XKR4: variants seen among roughly 807,000 people sequenced by gnomAD.
The protein encoded by XKR4 is XK related 4.
A neutral mutation model predicts 53.9 loss-of-function variants in XKR4; 12 were observed. The ratio of observed to expected loss-of-function variants is 0.22; its 90% CI spans 0.14 to 0.36. XKR4 has a LOEUF of 0.36. Among genes scored for constraint, XKR4 ranks in the 10% least tolerant of loss-of-function variants. XKR4 has a pLI of 1.00. For synonymous variants in XKR4, 354 were observed against 362.4 expected, an observed-to-expected ratio of 0.98 and a Z score of 0.26; for missense variants, 799 against 859.5, an observed-to-expected ratio of 0.93 and a Z score of 0.88.
intron 1 of XKR4, among the ~76,000 whole-genome samples, chr8:55,264,629 A>G (rs1347764853): frequency 6.6e-6 from 1 of 152,216 alleles, no homozygotes; most frequent in Non-Finnish European, 1.5e-5. Context: ...TTGTAATTTT[A>G]ACTAAGAAAT....
intron 1 of XKR4, among the ~76,000 whole-genome samples, chr8:55,172,601 G>C (rs1007491062): frequency 1.3e-5 from 2 of 152,112 alleles, no homozygotes; most frequent in Non-Finnish European, 2.9e-5. Context: ...GCAAACTTGT[G>C]CCTAAGTATA....
chr8:55,329,062 A>C (rs1803343920), intron 1 of XKR4, among the ~76,000 whole-genome samples: 1 of 152,114 alleles, frequency 6.6e-6, no homozygotes, highest in Non-Finnish European at 1.5e-5. Context: ...CCCTCAGTGA[A>C]TATGCATTGA....
In XKR4 at chr8:55,468,708, C is replaced by T. The variant is rs142209746; in HGVS notation, c.1007-54573C>T. 2.9e-3 allele frequency among the ~76,000 whole-genome samples: 438 copies of T among 152,216 alleles called. 4 individuals are homozygous for T. The highest frequency in any genetic ancestry group is 1.0e-2 in the African/African-American group (414 of 41,514). ...CTTAAACCTTCCTTGAAGTCTCAGG[C>T]ATTAAATGTCCTCATCTATAAAACG... On this transcript the variant is annotated intron_variant, in intron 2 of 2. Coordinates refer to ENST00000327381, the MANE Select transcript of XKR4 (RefSeq NM_052898.2).
chr8:55,497,347 A>G (rs1806367047), intron 2 of XKR4, among the ~76,000 whole-genome samples: 1 of 152,340 alleles, frequency 6.6e-6, no homozygotes, highest in South Asian at 2.1e-4. Context: ...TGTTTTTAAT[A>G]TGTTTTTAAA....
At chr8:55,275,531 A>G (rs1266629712) in intron 1 of XKR4, among the ~76,000 whole-genome samples, 1 of 152,198 alleles carries the variant, frequency 6.6e-6, no homozygotes, top group Non-Finnish European at 1.5e-5. Context: ...AATATCAGGG[A>G]AGGGTCTCAG....
rs1484531136 is a variant in XKR4 at position 55,530,512 on chromosome 8, G to A, written c.*6285G>A. 2 of 152,172 alleles carry A rather than the reference G, an allele frequency of 1.3e-5. No homozygotes were observed. Among genetic ancestry groups the A allele is most frequent in the Non-Finnish European group, 2.9e-5 (2 of 68,042 alleles). 9.4% of individuals were successfully genotyped at this position (152,172 alleles called of 1,614,324 possible). On this transcript the variant is annotated 3_prime_UTR_variant, in exon 3 of 3. Transcript: ENST00000327381. ...TGAAGGTCTGCAAGATGACAGAGTT[G>A]TAACCCATTCAATGATATTGTTGCC...
intron 1 of XKR4, among the ~76,000 whole-genome samples, chr8:55,187,305 C>CAAAAAAAAAAA (rs1168014848): frequency 2.1e-5 from 2 of 95,868 alleles, no homozygotes; most frequent in African/African-American, 4.0e-5. Context: ...TTTCCAGGAC[C>CAAAAAAAAAAA]AAAAAAAAAA....
chr8:55,124,497 G>A (rs1487588920), intron 1 of XKR4, among the ~76,000 whole-genome samples: 1 of 152,116 alleles, frequency 6.6e-6, no homozygotes, highest in Non-Finnish European at 1.5e-5. Flanking sequence ...ACTGTAATAT[G>A]GTATCTCCTC....
chr8:55,365,820 GAAGA>G (rs1259868432), intron 2 of XKR4, among the ~76,000 whole-genome samples: 1 of 152,116 alleles, frequency 6.6e-6, no homozygotes, highest in East Asian at 1.9e-4. Context: ...GTAACTGAAG[GAAGA>G]AGCTCTTATC....
chr8:55,458,299 C>T (rs971636449), intron 2 of XKR4, among the ~76,000 whole-genome samples: 1 of 152,220 alleles, frequency 6.6e-6, no homozygotes, highest in Admixed American at 6.5e-5. Flanking sequence ...GTCTCAACCC[C>T]TCATGGGAGG....
intron 1 of XKR4, among the ~76,000 whole-genome samples, chr8:55,163,956 A>G (rs1172040332): frequency 6.6e-6 from 1 of 152,264 alleles, no homozygotes; most frequent in Non-Finnish European, 1.5e-5. Context: ...AAACATACTT[A>G]GAAGTGCTCA....
rs566130501 is a variant in XKR4, at chr8:55,524,002, G to A, written c.1728G>A (p.Arg576=). The part of the protein sequence containing the change: ...RDGCVPVFQV[R]PTAPSTPSSR... ...GGTGTGTACCTGTCTTTCAAGTGAG[G>A]CCCACTGCCCCATCCACCCCATCAT... The change falls in exon 3 of 3, where the codon AGG becomes AGA. Residue 576 remains arginine (R), a synonymous_variant. Coordinates refer to ENST00000327381, the MANE Select transcript of XKR4 (RefSeq NM_052898.2). The A allele has an allele frequency of 6.2e-7, 1 of 1,614,106 alleles. No individual in the cohort carries two copies. The highest frequency in any genetic ancestry group is 8.5e-7 in the Non-Finnish European group (1 of 1,180,034).
chr8:55,421,157 G>A (rs975709219), intron 2 of XKR4, among the ~76,000 whole-genome samples: 6 of 152,108 alleles, frequency 3.9e-5, no homozygotes, highest in African/African-American at 1.2e-4. Flanking sequence ...AAACACTTCC[G>A]CTTGTAAAGT....
At chr8:55,299,056 A>G (rs1216179581) in intron 1 of XKR4, among the ~76,000 whole-genome samples, 4 of 152,166 alleles carry the variant, frequency 2.6e-5, no homozygotes, top group Non-Finnish European at 5.9e-5. Flanking sequence ...CCTTTCAAAC[A>G]GGGTCCAGCC....
chr8:55,362,997 C>A (rs532018600), intron 2 of XKR4, among the ~76,000 whole-genome samples: 16 of 152,204 alleles, frequency 1.1e-4, no homozygotes, highest in Non-Finnish European at 2.1e-4. Context: ...AAACATTGTG[C>A]GGAAATAATG....
intron 1 of XKR4, among the ~76,000 whole-genome samples, chr8:55,157,712 G>A (rs1204923413): frequency 6.6e-6 from 1 of 152,038 alleles, no homozygotes; most frequent in Non-Finnish European, 1.5e-5. Flanking sequence ...GTCTGTTGTT[G>A]CCTTCCTTGT....
At chr8:55,145,543 A>G (rs1017628063) in intron 1 of XKR4, among the ~76,000 whole-genome samples, 6 of 152,228 alleles carry the variant, frequency 3.9e-5, no homozygotes, top group African/African-American at 1.4e-4. Context: ...AGAGTGTCCA[A>G]TATCTGGCCG....
Position 55,524,286 on chromosome 8 carries a change from GC to G in XKR4, c.*61del. On this transcript the variant is annotated 3_prime_UTR_variant, in exon 3 of 3. Coordinates refer to ENST00000327381, the MANE Select transcript of XKR4 (RefSeq NM_052898.2). ...ATGAAGGGGTGACAGCAGGGCTGTGGCCATAATGACACTTCATCCTAGAGCA... is the reference window on the plus strand; with the variant it reads ...ATGAAGGGGTGACAGCAGGGCTGTGGCATAATGACACTTCATCCTAGAGCA... The G allele has an allele frequency of 6.7e-7, 1 of 1,501,766 alleles. No homozygotes were observed. Among genetic ancestry groups the G allele is most frequent in the Non-Finnish European group, 9.1e-7 (1 of 1,102,058 alleles). The allele number at this position is 1,501,766 out of a possible 1,614,324, so 93.0% of individuals were successfully genotyped here. A position where few individuals can be genotyped will look rare whatever the true frequency, so the allele number is the denominator to read the frequency against.
intron 2 of XKR4, among the ~76,000 whole-genome samples, chr8:55,443,549 A>G (rs1160004852): frequency 6.7e-6 from 1 of 148,442 alleles, no homozygotes; most frequent in Non-Finnish European, 1.5e-5. Context: ...AAAAAAAAAA[A>G]AAAAAAACAG....
Sources: gnomAD v4.1 joint callset for allele counts (sites outside exome capture counted in the v4.1 genomes callset) on GRCh38, gnomAD v4.1.1 for gene constraint, MANE v1.5 for transcripts, NCBI Gene and HGNC (gene_info 2026-07-23, HGNC 2026-07-21) for gene names.